The following NBAS variants were observed in gnomAD, a reference collection of about 807,000 sequenced individuals.
NBAS encodes NBAS subunit of NRZ tethering complex.
A neutral mutation model predicts 302.5 loss-of-function variants in NBAS; 219 were observed. The ratio of observed to expected loss-of-function variants is 0.72; its 90% CI spans 0.65 to 0.81. The LOEUF (loss-of-function observed/expected upper bound fraction) is 0.81, where lower values mean the gene tolerates loss of function less well. Ranked by LOEUF, NBAS falls within the 30% of genes least tolerant of loss-of-function variation. The pLI, the probability that NBAS is intolerant of heterozygous loss-of-function variation, is 0.00. For missense variants in NBAS, 2,932 were observed against 2,841.6 expected (o/e 1.03, Z -0.72); for synonymous variants, 1,118 against 1,021.6 (o/e 1.09, Z -1.80).
the NBAS span, among the ~76,000 whole-genome samples, chr2:14,975,300 G>A: frequency 6.6e-6 from 1 of 152,180 alleles, no homozygotes; most frequent in Admixed American, 6.5e-5. Flanking sequence ...AATTGTGGGT[G>A]TTTGGCAGCA....
chr2:14,871,675 A>T, the NBAS span, among the ~76,000 whole-genome samples: 1 of 152,166 alleles, frequency 6.6e-6, no homozygotes, highest in Non-Finnish European at 1.5e-5. Context: ...ATATTACTGT[A>T]AAATAGACTG....
At chr2:14,835,922 C>T in the NBAS span, among the ~76,000 whole-genome samples, 1 of 151,986 alleles carries the variant, frequency 6.6e-6, no homozygotes, top group Non-Finnish European at 1.5e-5. Context: ...CCACTTTACA[C>T]ATCTACCAGC....
chr2:15,302,562 G>A (rs985783158), intron 40 of NBAS, among the ~76,000 whole-genome samples: 5 of 152,184 alleles, frequency 3.3e-5, no homozygotes, highest in African/African-American at 1.2e-4. Flanking sequence ...CAGGGTGGGT[G>A]GGTAGTGTGA....
the NBAS span, among the ~76,000 whole-genome samples, chr2:14,875,500 C>A: frequency 6.6e-6 from 1 of 151,982 alleles, no homozygotes; most frequent in Non-Finnish European, 1.5e-5. Context: ...CCTGTAATCC[C>A]AACTACTCAG....
chr2:15,505,001 C>A (rs1344450848), intron 10 of NBAS, among the ~76,000 whole-genome samples: 1 of 152,082 alleles, frequency 6.6e-6, no homozygotes, highest in Admixed American at 6.6e-5. Context: ...AATACTTTCT[C>A]CAAAAAAATC....
chr2:15,270,314 G>A (rs776547548), intron 44 of NBAS, among the ~76,000 whole-genome samples: 10 of 151,958 alleles, frequency 6.6e-5, no homozygotes, highest in Admixed American at 1.3e-4. Context: ...ACAGGCATGC[G>A]CCATCATGCC....
At chr2:15,486,637 C>A (rs532791262) in intron 12 of NBAS, among the ~76,000 whole-genome samples, 2 of 152,298 alleles carry the variant, frequency 1.3e-5, no homozygotes, top group South Asian at 2.1e-4. Context: ...GAGGTCCCCC[C>A]CTTTCCCTTT....
At chr2:14,847,058 T>C in the NBAS span, among the ~76,000 whole-genome samples, 1 of 152,106 alleles carries the variant, frequency 6.6e-6, no homozygotes, top group Non-Finnish European at 1.5e-5. Flanking sequence ...CAATAATCTG[T>C]TGCCTACAAG....
intron 47 of NBAS, among the ~76,000 whole-genome samples, chr2:15,225,934 G>C (rs1038831170): frequency 2.6e-5 from 4 of 152,168 alleles, no homozygotes; most frequent in African/African-American, 9.7e-5. Flanking sequence ...GTAAGACCTT[G>C]CTACTCAAAG....
At chr2:15,209,506 C>CATTAAAAA (rs1666309364) in intron 48 of NBAS, among the ~76,000 whole-genome samples, 1 of 151,864 alleles carries the variant, frequency 6.6e-6, no homozygotes, top group African/African-American at 2.4e-5. Context: ...AACTACAGGC[C>CATTAAAAA]AATATCATTG....
the NBAS span, among the ~76,000 whole-genome samples, chr2:14,959,515 A>G: frequency 6.6e-6 from 1 of 152,192 alleles, no homozygotes; most frequent in African/African-American, 2.4e-5. Flanking sequence ...AGTCCTTCCC[A>G]ACATATCTAG....
In NBAS at chr2:15,303,683, CA is replaced by C. The variant is rs1670907222; in HGVS notation, c.4797+4532del. ...TTATCTGAGTCACAAACAGTACATG[CA>C]TTAGGACTTTTCATTTTGGTACAAA... On this transcript the variant is annotated intron_variant, in intron 40 of 51. Coordinates refer to ENST00000281513, the MANE Select transcript of NBAS (RefSeq NM_015909.4). Among the ~76,000 whole-genome samples the C allele has an allele frequency of 2.0e-5, 3 of 152,120 alleles. No homozygotes were observed. In the South Asian group the frequency reaches 6.2e-4, roughly 32 times the overall value.
chr2:15,546,010 G>C (rs1410056780), intron 6 of NBAS, among the ~76,000 whole-genome samples: 1 of 152,134 alleles, frequency 6.6e-6, no homozygotes, highest in Non-Finnish European at 1.5e-5. Context: ...GGATTGTCTG[G>C]ATAGCTGGGA....
chr2:14,926,082 T>C, the NBAS span, among the ~76,000 whole-genome samples: 1 of 152,310 alleles, frequency 6.6e-6, no homozygotes, highest in South Asian at 2.1e-4. Context: ...GAAACTTCCC[T>C]GTGCTTAAGA....
At chr2:15,438,835 C>G (rs1333090459) in intron 21 of NBAS, among the ~76,000 whole-genome samples, 1 of 152,132 alleles carries the variant, frequency 6.6e-6, no homozygotes, top group Non-Finnish European at 1.5e-5. Flanking sequence ...CAGTGTGTAC[C>G]TGTGATGAAA....
intron 35 of NBAS, 33 bp downstream of exon 35, chr2:15,351,959 C>T: frequency 6.6e-7 from 1 of 1,509,040 alleles, no homozygotes; most frequent in Non-Finnish European, 9.2e-7. Context: ...CTCTCAGCCA[C>T]CTTTCAAACT....
At chr2:15,052,963 G>A in the NBAS span, among the ~76,000 whole-genome samples, 8 of 152,116 alleles carry the variant, frequency 5.3e-5, no homozygotes. Context: ...CAAAGTACAG[G>A]AGAGAAAGGA....
chr2:15,476,623 G>C (rs996686109), intron 13 of NBAS, among the ~76,000 whole-genome samples: 2 of 151,938 alleles, frequency 1.3e-5, no homozygotes, highest in African/African-American at 4.8e-5. Flanking sequence ...GGGGAGACTG[G>C]AGAATCACTT....
At chr2:15,050,353 C>T in the NBAS span, among the ~76,000 whole-genome samples, 2 of 151,734 alleles carry the variant, frequency 1.3e-5, no homozygotes, top group Admixed American at 1.3e-4. Flanking sequence ...TATGGGTCCA[C>T]AGTCCTTTAT....
Sources: allele counts gnomAD v4.1 joint callset (sites outside exome capture counted in the v4.1 genomes callset), GRCh38; gene constraint gnomAD v4.1.1; transcripts MANE v1.5; gene names NCBI Gene and HGNC (gene_info 2026-07-23, HGNC 2026-07-21).